SCRG1: variants seen among roughly 807,000 people sequenced by gnomAD.
SCRG1 encodes the protein stimulator of chondrogenesis 1, also known as scrapie-responsive protein 1.
In SCRG1, 3 loss-of-function variants were observed where a neutral mutation model predicts 7.7. The observed-to-expected ratio is 0.39, with a 90% CI of 0.18 to 1.01. The LOEUF is 1.01. SCRG1 is among the 50% of genes least tolerant of loss of function. The pLI, the probability that SCRG1 is intolerant of heterozygous loss-of-function variation, is 0.36. For synonymous variants in SCRG1, 46 were observed against 41.2 expected (o/e 1.12, Z -0.44); for missense variants, 110 against 117.2 (o/e 0.94, Z 0.28).
At chr4:173,500,842 T>C in the SCRG1 span, among the ~76,000 whole-genome samples, 1 of 151,432 alleles carries the variant, frequency 6.6e-6, no homozygotes, top group Admixed American at 6.6e-5. Flanking sequence ...AAATAGTCAC[T>C]CTCCCCGATT....
upstream of SCRG1, among the ~76,000 whole-genome samples, chr4:173,407,406 C>T (rs192138673): frequency 1.3e-4 from 19 of 151,394 alleles, no homozygotes; most frequent in South Asian, 8.4e-4. Context: ...TGGTGGCCAG[C>T]GCCCTGTAGT....
chr4:173,388,373 T>C lies in SCRG1; in HGVS notation c.265A>G (p.Ile89Val). The C allele has an allele frequency of 3.1e-6, 5 of 1,612,200 alleles. No homozygotes were observed. The South Asian group carries it at 3.3e-5, about 11-fold the overall frequency. Residue 89 changes from isoleucine (I) to valine (V), a missense_variant, in exon 3 of 3, where the codon ATC becomes GTC. Coordinates refer to ENST00000296506, the MANE Select transcript of SCRG1 (RefSeq NM_007281.4). ...CPKDVFFGPKISFVIPCNNQ is the reference protein window; with the variant it reads ...CPKDVFFGPKVSFVIPCNNQ The stretch of plus-strand genomic sequence containing the variant: ...TTGTTGCAAGGAATCACGAAAGAGA[T>C]CTTTGGTCCAAAGAAAACGTCTCTG...
chr4:173,504,108 T>C, the SCRG1 span, among the ~76,000 whole-genome samples: 1 of 152,352 alleles, frequency 6.6e-6, no homozygotes, highest in Non-Finnish European at 1.5e-5. The surrounding 1 kb of genome is among the most constrained non-coding windows in gnomAD (Gnocchi z 4.7). Flanking sequence ...ACTGTGACCA[T>C]GTTCGCTGGT....
At chr4:173,495,746 T>C in the SCRG1 span, among the ~76,000 whole-genome samples, 1 of 152,228 alleles carries the variant, frequency 6.6e-6, no homozygotes, top group African/African-American at 2.4e-5. Context: ...TGTGTCATCC[T>C]CATATCCAGC....
the SCRG1 span, among the ~76,000 whole-genome samples, chr4:173,438,267 T>C: frequency 2.1e-5 from 3 of 146,192 alleles, no homozygotes; most frequent in Admixed American, 2.1e-4. Context: ...AGGCCTCTGC[T>C]ACCATGCCCA....
chr4:173,460,041 C>T, the SCRG1 span, among the ~76,000 whole-genome samples: 2 of 152,284 alleles, frequency 1.3e-5, no homozygotes, highest in South Asian at 4.1e-4. Flanking sequence ...ACCTGTCGTC[C>T]CGTCCCCGCT....
At chr4:173,445,301 G>C in the SCRG1 span, among the ~76,000 whole-genome samples, 1 of 152,250 alleles carries the variant, frequency 6.6e-6, no homozygotes, top group Admixed American at 6.5e-5. Context: ...ACTCATGCAA[G>C]GCCGGGCGCG....
At chr4:173,484,920 G>T in the SCRG1 span, among the ~76,000 whole-genome samples, 15 of 4,504 alleles carry the variant, frequency 3.3e-3, no homozygotes, top group South Asian at 0.077. Context: ...GTATATTTTA[G>T]ATATTATATA....
At chr4:173,396,437 G>C (rs1212717216) in intron 1 of SCRG1, among the ~76,000 whole-genome samples, 1 of 152,198 alleles carries the variant, frequency 6.6e-6, no homozygotes, top group Non-Finnish European at 1.5e-5. Context: ...AGGACTAGAA[G>C]AGGAGATGCC....
chr4:173,436,029 G>A, the SCRG1 span, among the ~76,000 whole-genome samples: 91 of 152,220 alleles, frequency 6.0e-4, 1 homozygote, highest in East Asian at 3.7e-3. Context: ...CTGGCACAAT[G>A]ATTTAACTAT....
chr4:173,475,762 T>C, the SCRG1 span, among the ~76,000 whole-genome samples: 4 of 152,260 alleles, frequency 2.6e-5, no homozygotes, highest in African/African-American at 7.2e-5. Flanking sequence ...TATTCAGACT[T>C]AAATAGGAAG....
chr4:173,471,115 T>C, the SCRG1 span, among the ~76,000 whole-genome samples: 145 of 152,328 alleles, frequency 9.5e-4, 3 homozygotes, highest in South Asian at 0.016. Context: ...GAAATACTTA[T>C]ATACTAAGTA....
At chr4:173,517,854 G>T in the SCRG1 span, among the ~76,000 whole-genome samples, 6 of 152,250 alleles carry the variant, frequency 3.9e-5, no homozygotes, top group Admixed American at 3.9e-4. Flanking sequence ...CGCCGGCCCC[G>T]GCCCTCGGAA....
At chr4:173,415,578 A>G in the SCRG1 span, among the ~76,000 whole-genome samples, 4 of 152,226 alleles carry the variant, frequency 2.6e-5, no homozygotes, top group African/African-American at 9.6e-5. Flanking sequence ...TTAAAGGGAA[A>G]GAGAACTGGC....
chr4:173,397,247 T>G (rs1403725241), intron 1 of SCRG1, among the ~76,000 whole-genome samples: 1 of 152,178 alleles, frequency 6.6e-6, no homozygotes, highest in Non-Finnish European at 1.5e-5. Context: ...ACTTAATCCT[T>G]GGCAATCCAT....
the SCRG1 span, among the ~76,000 whole-genome samples, chr4:173,453,170 T>A: frequency 6.6e-6 from 1 of 152,234 alleles, no homozygotes; most frequent in Non-Finnish European, 1.5e-5. Flanking sequence ...ACCTGGCACT[T>A]AAGGAACCCA....
the SCRG1 span, among the ~76,000 whole-genome samples, chr4:173,486,963 C>G: frequency 6.6e-6 from 1 of 152,100 alleles, no homozygotes. Flanking sequence ...ACTTCCTCTC[C>G]GTCTCCCTTC....
chr4:173,477,756 TTCC>T, the SCRG1 span, among the ~76,000 whole-genome samples: 2 of 142,042 alleles, frequency 1.4e-5, no homozygotes, highest in African/African-American at 5.1e-5. Context: ...CCTTCCTTCC[TTCC>T]TTCCTTCCTT....
chr4:173,497,393 C>T, the SCRG1 span, among the ~76,000 whole-genome samples: 1 of 152,008 alleles, frequency 6.6e-6, no homozygotes, highest in South Asian at 2.1e-4. Flanking sequence ...GTTTAGGTCC[C>T]CTAGCCTGAA....
Sources: gnomAD v4.1 joint callset for allele counts (sites outside exome capture counted in the v4.1 genomes callset) on GRCh38, gnomAD v4.1.1 for gene constraint, Gnocchi (gnomAD v3.1) non-coding constraint, MANE v1.5 for transcripts, NCBI Gene and HGNC (gene_info 2026-07-23, HGNC 2026-07-21) for gene names.